GPCPD1: variants seen among roughly 807,000 people sequenced by gnomAD.
GPCPD1 encodes the protein glycerophosphocholine phosphodiesterase 1, also known as glycerophosphocholine phosphodiesterase GPCPD1.
A neutral mutation model predicts 89.2 loss-of-function variants in GPCPD1; 29 were observed. The ratio of observed to expected loss-of-function variants is 0.33; its 90% CI spans 0.24 to 0.44. The LOEUF (loss-of-function observed/expected upper bound fraction) is 0.44. Ranked by LOEUF, GPCPD1 falls within the 20% of genes least tolerant of loss-of-function variation. The pLI is 1.00. For synonymous variants in GPCPD1, 258 were observed against 266.3 expected (o/e 0.97, Z 0.30); for missense variants, 594 against 808.9 (o/e 0.73, Z 3.22).
chr20:5,561,079 AATT>A, intron 16 of GPCPD1, among the ~76,000 whole-genome samples: 1 of 152,346 alleles, frequency 6.6e-6, no homozygotes, highest in South Asian at 2.1e-4. Flanking sequence ...TTTCCTGAAT[AATT>A]ATTACTAGCT....
chr20:5,579,061 T>C (rs1270979136), intron 7 of GPCPD1, among the ~76,000 whole-genome samples: 6 of 152,082 alleles, frequency 3.9e-5, no homozygotes, highest in Non-Finnish European at 7.4e-5. Flanking sequence ...GTCACATGCC[T>C]GTAGTCCCAG....
chr20:5,589,543 C>T (rs539865125), intron 4 of GPCPD1, among the ~76,000 whole-genome samples: 27 of 152,076 alleles, frequency 1.8e-4, no homozygotes, highest in African/African-American at 6.3e-4. Flanking sequence ...ACCTGGGAGG[C>T]GGAGGTTGCA....
Position 5,604,328 on chromosome 20 carries a change from AATTTT to A in GPCPD1, c.49+31_49+35del, listed in dbSNP as rs771335337. ...ATCCAGATAAGAAACATGCTAATTTAATTTTAATTGTTTTAAAGTAAAACTTTTAC... is the reference window on the plus strand; with the variant it reads ...ATCCAGATAAGAAACATGCTAATTTAAATTGTTTTAAAGTAAAACTTTTAC... On this transcript the variant is annotated intron_variant, in intron 2 of 19. Transcript: ENST00000379019. 8 of 1,037,654 alleles carry A rather than the reference AATTTT, an allele frequency of 7.7e-6. No individual in the cohort carries two copies. In the South Asian group the frequency reaches 1.1e-4, roughly 14 times the overall value. The allele number at this position is 1,037,654 out of a possible 1,614,324, so 64.3% of individuals were successfully genotyped here. A position where few individuals can be genotyped will look rare whatever the true frequency, so the allele number is the denominator to read the frequency against.
In GPCPD1 at chr20:5,544,699, TG is replaced by T. The variant is rs1247918063; in HGVS notation, c.*2961del. The T allele has an allele frequency of 6.6e-6, 1 of 152,244 alleles. No individual in the cohort carries two copies. The highest frequency in any genetic ancestry group is 1.9e-4 in the East Asian group (1 of 5,198). The allele number at this position is 152,244 out of a possible 1,614,324, so 9.4% of individuals were successfully genotyped here. A position where few individuals can be genotyped will look rare whatever the true frequency, so the allele number is the denominator to read the frequency against. On this transcript the variant is annotated 3_prime_UTR_variant, in exon 20 of 20. Transcript: ENST00000379019. ...AACCCAGTATATCAGTTAACCTCTCTGGGTTTTTTCCCAGCTACAACATTAA... is the reference window on the plus strand; with the variant it reads ...AACCCAGTATATCAGTTAACCTCTCTGGTTTTTTCCCAGCTACAACATTAA...
At chr20:5,562,832 C>T (rs1986165711) in intron 15 of GPCPD1, among the ~76,000 whole-genome samples, 1 of 152,044 alleles carries the variant, frequency 6.6e-6, no homozygotes, top group South Asian at 2.1e-4. Flanking sequence ...TATCTAAAGA[C>T]TTATTTAACG....
Position 5,558,804 on chromosome 20 carries a change from C to G in GPCPD1, c.1548G>C (p.Gln516His), listed in dbSNP as rs1985920894. ...ADICTMVRQK[Q>H]NKYPILFLTQ... The stretch of plus-strand genomic sequence containing the variant: ...TTAAAAATAGTATCGGATATTTGTT[C>G]TGCTTTTGCCGAACCCTGAAAAGAA... Residue 516 changes from glutamine (Q) to histidine (H), a missense_variant, in exon 18 of 20, where the codon CAG becomes CAC. Coordinates refer to ENST00000379019, the MANE Select transcript of GPCPD1 (RefSeq NM_019593.5). The G allele has an allele frequency of 1.9e-6, 3 of 1,567,530 alleles. No homozygotes were observed. Among genetic ancestry groups the G allele is most frequent in the Non-Finnish European group, 1.7e-6 (2 of 1,155,542 alleles).
chr20:5,582,893 G>GAA (rs113637716), intron 6 of GPCPD1, among the ~76,000 whole-genome samples: 6 of 101,606 alleles, frequency 5.9e-5, no homozygotes, highest in Admixed American at 1.0e-4. Context: ...CATCTCAAAA[G>GAA]AAAAAAAAAA....
intron 2 of GPCPD1, among the ~76,000 whole-genome samples, chr20:5,603,436 A>G (rs1043259102): frequency 2.6e-5 from 4 of 152,172 alleles, no homozygotes; most frequent in African/African-American, 9.7e-5. Context: ...AAGAGAAGGA[A>G]CAGGGGGAGT....
intron 3 of GPCPD1, among the ~76,000 whole-genome samples, chr20:5,597,670 TG>T (rs1217883797): frequency 2.6e-5 from 4 of 152,196 alleles, no homozygotes; most frequent in African/African-American, 9.7e-5. Flanking sequence ...CTATCCACAG[TG>T]GGGTAAGTGC....
At chr20:5,597,466 T>A (rs1979811858) in intron 3 of GPCPD1, among the ~76,000 whole-genome samples, 1 of 152,214 alleles carries the variant, frequency 6.6e-6, no homozygotes, top group African/African-American at 2.4e-5. Flanking sequence ...TATACACATT[T>A]CTAAATGCTT....
intron 8 of GPCPD1, 102 bp downstream of exon 8, chr20:5,578,278 T>A: frequency 1.3e-6 from 1 of 747,616 alleles, no homozygotes; most frequent in South Asian, 1.7e-5. Context: ...CTCTAAAAAG[T>A]TAGCTTTACA....
intron 17 of GPCPD1, among the ~76,000 whole-genome samples, 200 bp from the exon 18 acceptor site, chr20:5,559,019 A>G (rs995346974): frequency 3.9e-5 from 6 of 152,096 alleles, no homozygotes; most frequent in African/African-American, 1.4e-4. Context: ...CCTGGACAAC[A>G]TGGCGAAATC....
rs2273374 is a variant in GPCPD1, at chr20:5,580,082, T to A, written c.399A>T (p.Ile133=). Residue 133 remains isoleucine (I), a synonymous_variant, in exon 7 of 20, where the codon ATA becomes ATT. Transcript: ENST00000379019. ...TTTCAGAATAATGCAAACGTAATCT[T>A]ATTTCAGTCTGACATGTCAGCCATC... ...DSGWLTCQTE[I]RLRLHYSEKP... is the part of the protein sequence containing the mutation. 2.1e-4 allele frequency: 314 copies of A among 1,497,094 alleles called. 2 individuals are homozygous for A. The East Asian group carries it at 3.6e-3, about 17-fold the overall frequency. The allele number at this position is 1,497,094 out of a possible 1,614,324, so 92.7% of individuals were successfully genotyped here. A position where few individuals can be genotyped will look rare whatever the true frequency, so the allele number is the denominator to read the frequency against.
At chr20:5,554,832 CTT>C (rs2122549686) in intron 19 of GPCPD1, among the ~76,000 whole-genome samples, 1 of 152,320 alleles carries the variant, frequency 6.6e-6, no homozygotes, top group South Asian at 2.1e-4. Flanking sequence ...AAACTGAAAA[CTT>C]TTTATCATTC....
chr20:5,582,639 AAC>A (rs1007820772), intron 6 of GPCPD1, among the ~76,000 whole-genome samples: 5 of 152,216 alleles, frequency 3.3e-5, no homozygotes, highest in African/African-American at 1.2e-4. Flanking sequence ...CTGTAATCCC[AAC>A]ACTTTGGGAG....
chr20:5,567,621 T>C, intron 12 of GPCPD1, 61 bp from the exon 13 acceptor site: 1 of 1,421,688 alleles, frequency 7.0e-7, no homozygotes, highest in Non-Finnish European at 9.4e-7. Flanking sequence ...AAGAGAAAAG[T>C]AAGCCCTAAA....
chr20:5,578,757 C>A, intron 7 of GPCPD1, 146 bp from the exon 8 acceptor site: 1 of 621,398 alleles, frequency 1.6e-6, no homozygotes, highest in Non-Finnish European at 2.9e-6. Flanking sequence ...AAAGATTACA[C>A]ATACTACAGG....
At chr20:5,599,108 T>C (rs979302272) in intron 2 of GPCPD1, among the ~76,000 whole-genome samples, 1 of 151,938 alleles carries the variant, frequency 6.6e-6, no homozygotes, top group East Asian at 1.9e-4. Flanking sequence ...AACCCAAGAG[T>C]ACAAAAGGGA....
chr20:5,576,889 G>A (rs1049865130), intron 8 of GPCPD1, among the ~76,000 whole-genome samples: 2 of 151,944 alleles, frequency 1.3e-5, no homozygotes, highest in Admixed American at 1.3e-4. Context: ...TTAAAAGGTA[G>A]GTTTATTAAA....
Sources: gnomAD v4.1 joint callset for allele counts (sites outside exome capture counted in the v4.1 genomes callset) on GRCh38, gnomAD v4.1.1 for gene constraint, MANE v1.5 for transcripts, NCBI Gene and HGNC (gene_info 2026-07-23, HGNC 2026-07-21) for gene names.